Variants in PRICKLE1 observed in about 807,000 individuals in gnomAD.
PRICKLE1 encodes prickle planar cell polarity protein 1.
PRICKLE1 carries 14 observed loss-of-function variants against 70.2 expected under a neutral mutation model. The observed-to-expected ratio is 0.20, with a 90% CI of 0.13 to 0.31. The LOEUF is 0.31. PRICKLE1 is among the 10% of genes least tolerant of loss of function. PRICKLE1 has a pLI of 1.00. For synonymous variants in PRICKLE1, 357 were observed against 379.9 expected (o/e 0.94, Z 0.70); for missense variants, 821 against 1,026.2 (o/e 0.80, Z 2.73).
intron 1 of PRICKLE1, among the ~76,000 whole-genome samples, chr12:42,514,599 G>A (rs575019745): frequency 6.6e-6 from 1 of 152,236 alleles, no homozygotes; most frequent in East Asian, 1.9e-4. Flanking sequence ...TGCTGTCAAA[G>A]GGCTTGTCAG....
chr12:42,464,567 T>C lies in PRICKLE1; in HGVS notation c.1467A>G (p.Pro489=). 1.2e-6 allele frequency: 2 copies of C among 1,613,936 alleles called. No individual in the cohort carries two copies. The highest frequency in any genetic ancestry group is 1.7e-6 in the Non-Finnish European group (2 of 1,179,972). Residue 489 remains proline, a synonymous_variant, in exon 7 of 8, where the codon CCA becomes CCG. Transcript: ENST00000345127. The surrounding 1 kb of genome is among the most constrained non-coding windows in gnomAD (Gnocchi z 4.2). The part of the protein sequence containing the change: ...GLGDSAYGSH[P]GPASSRRLQE... Reference sequence around the variant, plus strand: ...GAAGCCTTCTACTGCTTGCAGGGCCTGGGTGGCTGCCATAAGCAGAATCGC... The same window carrying C: ...GAAGCCTTCTACTGCTTGCAGGGCCCGGGTGGCTGCCATAAGCAGAATCGC...
At chr12:42,566,922 G>A (rs1940630108) in intron 1 of PRICKLE1, among the ~76,000 whole-genome samples, 1 of 152,182 alleles carries the variant, frequency 6.6e-6, no homozygotes, top group African/African-American at 2.4e-5. Flanking sequence ...TCTTAATACT[G>A]CAGTTGTTTT....
chr12:42,545,845 G>A (rs998313198), intron 1 of PRICKLE1, among the ~76,000 whole-genome samples: 5 of 137,372 alleles, frequency 3.6e-5, no homozygotes, highest in South Asian at 2.6e-4. Context: ...GCAAGACTCC[G>A]TCTCAAAAAA....
chr12:42,503,231 T>C (rs12822496), intron 1 of PRICKLE1, among the ~76,000 whole-genome samples: 6,272 of 152,324 alleles, frequency 0.041, 158 homozygotes, highest in South Asian at 0.083. Flanking sequence ...TCTGGGCTCC[T>C]GCAGACTTGC....
chr12:42,565,006 CAT>C (rs1202418014), intron 1 of PRICKLE1, among the ~76,000 whole-genome samples: 1 of 152,246 alleles, frequency 6.6e-6, no homozygotes, highest in Non-Finnish European at 1.5e-5. Context: ...ATAGATATCA[CAT>C]GTTTAAAAAC....
In PRICKLE1 at chr12:42,470,308, T is replaced by C. The variant is rs140262447; in HGVS notation, c.184A>G (p.Ser62Gly). The C allele has an allele frequency of 6.2e-7, 1 of 1,614,182 alleles. No homozygotes were observed. Among genetic ancestry groups the C allele is most frequent in the Non-Finnish European group, 8.5e-7 (1 of 1,180,020 alleles). Residue 62 changes from serine (S) to glycine (G), a missense_variant, in exon 3 of 8, where the codon AGC (serine) becomes GGC (glycine). Transcript: ENST00000345127. ...LPEEKVPYVN[S>G]PGEKHRIKQL... The stretch of plus-strand genomic sequence containing the variant: ...TTAATCCGATGCTTCTCTCCGGGGC[T>C]GTTAACGTAAGGAACTTTTTCCTCT...
At chr12:42,491,942 C>T (rs1939113013) in intron 1 of PRICKLE1, among the ~76,000 whole-genome samples, 1 of 151,840 alleles carries the variant, frequency 6.6e-6, no homozygotes, top group African/African-American at 2.4e-5. Flanking sequence ...CGCCGCCACG[C>T]CCGGCTAATT....
At chr12:42,518,663 C>G (rs1228275263) in intron 1 of PRICKLE1, among the ~76,000 whole-genome samples, 2 of 152,146 alleles carry the variant, frequency 1.3e-5, no homozygotes, top group Non-Finnish European at 2.9e-5. Flanking sequence ...TTGAATTTAT[C>G]TACATAGAAG....
chr12:42,537,719 C>T (rs896114149), intron 1 of PRICKLE1, among the ~76,000 whole-genome samples: 1 of 152,288 alleles, frequency 6.6e-6, no homozygotes, highest in African/African-American at 2.4e-5. Flanking sequence ...TAGCAAACTA[C>T]GCTCTCCTCC....
At chr12:42,528,089 T>A (rs964346644) in intron 1 of PRICKLE1, among the ~76,000 whole-genome samples, 79 of 151,998 alleles carry the variant, frequency 5.2e-4, no homozygotes, top group African/African-American at 1.9e-3. Context: ...TGTATTTAAC[T>A]TACTTATTTG....
chr12:42,510,063 ACT>A (rs201376119), intron 1 of PRICKLE1, among the ~76,000 whole-genome samples: 6,609 of 148,734 alleles, frequency 0.044, 456 homozygotes, highest in African/African-American at 0.16. Flanking sequence ...ACAGAGCGAG[ACT>A]CTGTCTCAAA....
intron 1 of PRICKLE1, among the ~76,000 whole-genome samples, chr12:42,489,536 C>T (rs1231095097): frequency 6.6e-6 from 1 of 150,846 alleles, no homozygotes; most frequent in Non-Finnish European, 1.5e-5. Context: ...TGGCAGACGA[C>T]TTAATCCCAG....
intron 1 of PRICKLE1, among the ~76,000 whole-genome samples, chr12:42,572,953 C>T (rs994235722): frequency 6.6e-5 from 10 of 152,150 alleles, no homozygotes; most frequent in Non-Finnish European, 1.5e-4. Context: ...TGCAGAGCAT[C>T]GAACCCAAAG....
intron 1 of PRICKLE1, among the ~76,000 whole-genome samples, chr12:42,511,039 C>G (rs1052907360): frequency 5.3e-5 from 8 of 152,164 alleles, no homozygotes; most frequent in Non-Finnish European, 5.9e-5. Flanking sequence ...AGAAGCAGGC[C>G]CAGCACAGGG....
chr12:42,533,164 T>C (rs1307209678), intron 1 of PRICKLE1, among the ~76,000 whole-genome samples: 1 of 151,924 alleles, frequency 6.6e-6, no homozygotes, highest in East Asian at 1.9e-4. Flanking sequence ...TAGAAGGGTA[T>C]ATACCAAAAT....
rs145064858 is a variant in PRICKLE1 at position 42,568,704 on chromosome 12, T to C, written c.-49+20761A>G. Reference sequence around the variant, plus strand: ...TATCTTTTAATTGAATTTGTTTTTATAGATTTAGGGGGTACAGGTGCAGAT... The same window carrying C: ...TATCTTTTAATTGAATTTGTTTTTACAGATTTAGGGGGTACAGGTGCAGAT... On this transcript the variant is annotated intron_variant, in intron 1 of 7. Transcript: ENST00000345127. 1.1e-4 allele frequency among the ~76,000 whole-genome samples: 17 copies of C among 152,324 alleles called. No homozygotes were observed. In the East Asian group the frequency reaches 3.3e-3, roughly 29 times the overall value.
intron 1 of PRICKLE1, among the ~76,000 whole-genome samples, chr12:42,490,176 A>G (rs1441781813): frequency 3.3e-5 from 5 of 152,242 alleles, no homozygotes; most frequent in African/African-American, 4.8e-5. Context: ...ATAAAAGGAA[A>G]TATTGATACG....
chr12:42,499,760 C>T (rs545402093), intron 1 of PRICKLE1, among the ~76,000 whole-genome samples: 2 of 151,496 alleles, frequency 1.3e-5, no homozygotes, highest in East Asian at 3.9e-4. Context: ...CAGAGTCTTG[C>T]TCTGTTGCCC....
Position 42,470,358 on chromosome 12 carries a change from A to C in PRICKLE1, c.134T>G (p.Ile45Ser). The C allele has an allele frequency of 6.3e-7, 1 of 1,596,392 alleles. No homozygotes were observed. Among genetic ancestry groups the C allele is most frequent in the Non-Finnish European group, 8.6e-7 (1 of 1,163,996 alleles). Residue 45 changes from isoleucine to serine, a missense_variant and splice_region_variant, in exon 3 of 8, where the codon ATC (isoleucine) becomes AGC (serine). Coordinates refer to ENST00000345127, the MANE Select transcript of PRICKLE1 (RefSeq NM_153026.3). Reference protein sequence around the residue: ...WVPPGLRPEQIQLYFACLPEE... With the variant: ...WVPPGLRPEQSQLYFACLPEE... The stretch of plus-strand genomic sequence containing the variant: ...TGGTAAGCAAGCAAAATAGAGCTGG[A>C]TCTGCAAAAGAGACAGTGAGAATGG...
Sources: gnomAD v4.1 joint callset for allele counts (sites outside exome capture counted in the v4.1 genomes callset) on GRCh38, gnomAD v4.1.1 for gene constraint, Gnocchi (gnomAD v3.1) non-coding constraint, MANE v1.5 for transcripts, NCBI Gene and HGNC (gene_info 2026-07-23, HGNC 2026-07-21) for gene names.